The following COMMD8 variants were observed in gnomAD, a reference collection of about 807,000 sequenced individuals.
COMMD8 encodes the protein COMM domain containing 8.
A neutral mutation model predicts 27.2 loss-of-function variants in COMMD8; 28 were observed. The ratio of observed to expected loss-of-function variants is 1.03; its 90% CI spans 0.76 to 1.41. The LOEUF is 1.41. Among genes scored for constraint, COMMD8 ranks in the 40% most tolerant of loss-of-function variants. COMMD8 has a pLI of 0.00. For missense variants in COMMD8, 217 were observed against 211.2 expected (o/e 1.03, Z -0.17); for synonymous variants, 79 against 75.5 (o/e 1.05, Z -0.24).
intron 1 of COMMD8, among the ~76,000 whole-genome samples, chr4:47,461,113 C>T (rs1375674194): frequency 6.6e-6 from 1 of 152,152 alleles, no homozygotes; most frequent in Non-Finnish European, 1.5e-5. Flanking sequence ...TTGGCATCTT[C>T]CTGGCATGTA....
chr4:47,456,267 C>T (rs113040054), intron 3 of COMMD8, among the ~76,000 whole-genome samples: 3,269 of 118,854 alleles, frequency 0.028, 166 homozygotes, highest in African/African-American at 0.094. Context: ...ATAAATTATA[C>T]ATATATATAT....
intron 4 of COMMD8, among the ~76,000 whole-genome samples, chr4:47,452,482 T>C (rs983794684): frequency 1.3e-5 from 2 of 152,210 alleles, no homozygotes; most frequent in Non-Finnish European, 1.5e-5. Context: ...TAACGAGCAT[T>C]GCAGCAAAAG....
chr4:47,459,297 A>C (rs1404853845), intron 2 of COMMD8, among the ~76,000 whole-genome samples: 1 of 152,146 alleles, frequency 6.6e-6, no homozygotes, highest in Non-Finnish European at 1.5e-5. Context: ...ACAAACATAC[A>C]TAACTTGATT....
intron 1 of COMMD8, among the ~76,000 whole-genome samples, 164 bp downstream of exon 1, chr4:47,463,422 G>T (rs1377883535): frequency 6.6e-6 from 1 of 152,176 alleles, no homozygotes; most frequent in Non-Finnish European, 1.5e-5. Flanking sequence ...TGTCCTCCTA[G>T]GCTCCCCAGG....
chr4:47,452,546 T>A (rs1165144210), intron 4 of COMMD8, among the ~76,000 whole-genome samples: 1 of 135,792 alleles, frequency 7.4e-6, no homozygotes, highest in Non-Finnish European at 1.6e-5. Flanking sequence ...CTTAGTACAT[T>A]ATGTTCAAAA....
At position 47,463,614 on chromosome 4, in the gene COMMD8, T is replaced by C; in HGVS notation, c.38A>G (p.Gln13Arg). 6.5e-7 allele frequency: 1 copy of C among 1,547,918 alleles called. No homozygotes were observed. The highest frequency in any genetic ancestry group is 8.7e-7 in the Non-Finnish European group (1 of 1,146,270). The stretch of plus-strand genomic sequence containing the variant: ...CGGGCCCAGCTCGGCCGGCAGCTTC[T>C]GCAGCCGCCACAAGGGCGTCCCCTC... ...PEEGTPLWRLQKLPAELGPQL... is the reference protein window; with the variant it reads ...PEEGTPLWRLRKLPAELGPQL... The change falls in exon 1 of 5, where the codon CAG becomes CGG. Residue 13 changes from glutamine (Q) to arginine (R), a missense_variant. Physicochemically the swap from Gln to Arg is conservative, Grantham distance 43 (BLOSUM62 1). Coordinates refer to ENST00000381571, the MANE Select transcript of COMMD8 (RefSeq NM_017845.5).
intron 3 of COMMD8, among the ~76,000 whole-genome samples, chr4:47,455,309 C>T (rs973519898): frequency 6.6e-6 from 1 of 152,030 alleles, no homozygotes; most frequent in African/African-American, 2.4e-5. Flanking sequence ...AGCCACCGTG[C>T]CTGGTCTCCT....
chr4:47,453,533 AAAG>A (rs1489923102), intron 3 of COMMD8, among the ~76,000 whole-genome samples: 1 of 152,234 alleles, frequency 6.6e-6, no homozygotes, highest in African/African-American at 2.4e-5. Flanking sequence ...GAGAATTCTT[AAAG>A]AAGACTGAAG....
intron 1 of COMMD8, among the ~76,000 whole-genome samples, chr4:47,462,878 T>C (rs554418268): frequency 6.6e-6 from 1 of 152,266 alleles, no homozygotes; most frequent in South Asian, 2.1e-4. Flanking sequence ...CCTCCACACT[T>C]TCTCCAGTAT....
chr4:47,463,223 ACCTAG>A (rs899479943), intron 1 of COMMD8, among the ~76,000 whole-genome samples: 11 of 152,246 alleles, frequency 7.2e-5, no homozygotes, highest in Middle Eastern at 3.4e-3. Flanking sequence ...GTATTCCAGC[ACCTAG>A]CTCTGTACCT....
chr4:47,461,371 AAC>A (rs1480795326), intron 1 of COMMD8, among the ~76,000 whole-genome samples: 1 of 152,196 alleles, frequency 6.6e-6, no homozygotes, highest in Non-Finnish European at 1.5e-5. Context: ...CCTTCCCTCT[AAC>A]ACCACACATG....
intron 2 of COMMD8, among the ~76,000 whole-genome samples, chr4:47,457,705 A>T (rs1231478958): frequency 6.6e-6 from 1 of 152,132 alleles, no homozygotes. Context: ...ATGTGTGAAA[A>T]TTAAGTAGCA....
In COMMD8 at chr4:47,460,048, T is replaced by C. The variant is rs190421454; in HGVS notation, c.222+96A>G. 3.4e-4 allele frequency: 315 copies of C among 926,436 alleles called. 1 individual carries two copies. The African/African-American group carries it at 5.0e-3, about 15-fold the overall frequency. The allele number at this position is 926,436 out of a possible 1,614,324, so 57.4% of individuals were successfully genotyped here. ...ACAATTATAAGGTATTTGTTGTTAC[T>C]GATGATAGCCCTTGTATTATACATT... On this transcript the variant is annotated intron_variant, in intron 2 of 4. Coordinates refer to ENST00000381571, the MANE Select transcript of COMMD8 (RefSeq NM_017845.5).
chr4:47,453,771 G>A (rs968295848), intron 3 of COMMD8, among the ~76,000 whole-genome samples: 7 of 152,142 alleles, frequency 4.6e-5, no homozygotes, highest in Admixed American at 1.3e-4. Flanking sequence ...GGAATTGGAA[G>A]AACCAAATAT....
chr4:47,458,168 A>C (rs1729938952), intron 2 of COMMD8, among the ~76,000 whole-genome samples: 1 of 152,098 alleles, frequency 6.6e-6, no homozygotes, highest in Non-Finnish European at 1.5e-5. Flanking sequence ...TAACATACTA[A>C]ATGGTGAAAT....
intron 3 of COMMD8, among the ~76,000 whole-genome samples, chr4:47,455,570 G>C (rs1218190495): frequency 6.6e-6 from 1 of 151,750 alleles, no homozygotes; most frequent in Non-Finnish European, 1.5e-5. Context: ...AAAATGACTG[G>C]GCCAAGACCA....
Position 47,453,240 on chromosome 4 carries a change from T to C in COMMD8, c.376-26A>G, listed in dbSNP as rs1227845960. ...CTGTTTAAAATCAGAAAAATAGCAA[T>C]TAATAAATAGTAAAAAGAACTATAT... On this transcript the variant is annotated intron_variant, in intron 3 of 4. Coordinates refer to ENST00000381571, the MANE Select transcript of COMMD8 (RefSeq NM_017845.5). The C allele has an allele frequency of 5.0e-6, 8 of 1,598,206 alleles. No individual in the cohort carries two copies. The East Asian group carries it at 1.6e-4, about 31-fold the overall frequency.
intron 1 of COMMD8, among the ~76,000 whole-genome samples, chr4:47,463,336 G>A (rs1277175973): frequency 8.5e-5 from 13 of 152,246 alleles, no homozygotes. Context: ...AGCTTTCAAA[G>A]CCCAGTCTGG....
intron 2 of COMMD8, 46 bp downstream of exon 2, chr4:47,460,098 C>A (rs751189777): frequency 2.0e-6 from 3 of 1,537,014 alleles, no homozygotes; most frequent in Non-Finnish European, 2.7e-6. Flanking sequence ...AGAGAGAAAC[C>A]TGAGCATTAT....
Sources: allele counts gnomAD v4.1 joint callset (sites outside exome capture counted in the v4.1 genomes callset), GRCh38; gene constraint gnomAD v4.1.1; transcripts MANE v1.5; gene names NCBI Gene and HGNC (gene_info 2026-07-23, HGNC 2026-07-21).